WDR17: variants seen among roughly 807,000 people sequenced by gnomAD.
The protein encoded by WDR17 is WD repeat domain 17.
A neutral mutation model predicts 161.7 loss-of-function variants in WDR17; 143 were observed. The observed-to-expected ratio is 0.88, with a 90% CI of 0.77 to 1.02. The LOEUF (loss-of-function observed/expected upper bound fraction) is 1.02, where lower values mean the gene tolerates loss of function less well. Among genes scored for constraint, WDR17 ranks in the 50% least tolerant of loss-of-function variants. WDR17 has a pLI of 0.00. For missense variants in WDR17, 1,469 were observed against 1,520.9 expected (o/e 0.97, Z 0.57); for synonymous variants, 517 against 515.6 (o/e 1.00, Z -0.04).
rs547096023 is a variant in WDR17 at position 176,131,202 on chromosome 4, G to C, written c.914-352G>C. Among the ~76,000 whole-genome samples the C allele has an allele frequency of 2.1e-3, 320 of 152,176 alleles. 2 individuals are homozygous for C. Among genetic ancestry groups the C allele is most frequent in the African/African-American group, 7.5e-3 (311 of 41,526 alleles). Reference sequence around the variant, plus strand: ...TGCATATATGTTTGTGTGTGTGGAAGGAGGGAATAAGCTATTATGTCAGTA... The same window carrying C: ...TGCATATATGTTTGTGTGTGTGGAACGAGGGAATAAGCTATTATGTCAGTA... On this transcript the variant is annotated intron_variant, in intron 6 of 28. Coordinates refer to ENST00000508596, the MANE Select transcript of WDR17 (RefSeq NM_181265.4).
At chr4:176,154,845 T>G (rs1001677147) in intron 17 of WDR17, among the ~76,000 whole-genome samples, 1 of 152,192 alleles carries the variant, frequency 6.6e-6, no homozygotes. Flanking sequence ...ATTCATGTAG[T>G]GATATTTCAG....
Position 176,126,974 on chromosome 4 carries a change from A to C in WDR17, c.790+1619A>C, listed in dbSNP as rs2126741562. Reference sequence around the variant, plus strand: ...TCCTGAGGCCTCCTCAGCCATGCAGAACTGTGAGTCAATTAAACCTCTTTT... The same window carrying C: ...TCCTGAGGCCTCCTCAGCCATGCAGCACTGTGAGTCAATTAAACCTCTTTT... On this transcript the variant is annotated intron_variant, in intron 5 of 28. Transcript: ENST00000508596. 1.3e-5 allele frequency among the ~76,000 whole-genome samples: 2 copies of C among 152,302 alleles called. 1 individual carries two copies. The highest frequency in any genetic ancestry group is 4.1e-4 in the South Asian group (2 of 4,820).
chr4:176,146,672 C>T (rs1746223507), intron 12 of WDR17, among the ~76,000 whole-genome samples: 1 of 152,112 alleles, frequency 6.6e-6, no homozygotes, highest in African/African-American at 2.4e-5. Context: ...AGGAAAGACA[C>T]CTGTTCTAGT....
intron 12 of WDR17, among the ~76,000 whole-genome samples, chr4:176,147,009 G>A (rs570284378): frequency 5.3e-5 from 8 of 152,122 alleles, no homozygotes; most frequent in Admixed American, 3.3e-4. Flanking sequence ...TGGGACTACA[G>A]GTGTGCGCCA....
chr4:176,161,717 A>T (rs996968048), intron 20 of WDR17, among the ~76,000 whole-genome samples: 4 of 152,186 alleles, frequency 2.6e-5, no homozygotes, highest in African/African-American at 9.7e-5. Context: ...AAGCTAACAC[A>T]TGCTAGCTGT....
intron 18 of WDR17, among the ~76,000 whole-genome samples, chr4:176,159,028 G>C (rs995979732): frequency 3.9e-5 from 6 of 152,070 alleles, no homozygotes; most frequent in African/African-American, 1.4e-4. Context: ...CTATGAAATT[G>C]GAGACTGTTA....
chr4:176,130,889 T>A (rs558667098), intron 6 of WDR17, among the ~76,000 whole-genome samples: 7 of 152,128 alleles, frequency 4.6e-5, no homozygotes, highest in Non-Finnish European at 8.8e-5. Context: ...AAGGAAGAGC[T>A]TTTTGGAAGA....
At chr4:176,071,456 G>A (rs1733233994) in intron 1 of WDR17, among the ~76,000 whole-genome samples, 1 of 151,998 alleles carries the variant, frequency 6.6e-6, no homozygotes, top group African/African-American at 2.4e-5. Context: ...CTGAGTAGCT[G>A]GGATTACAGG....
intron 8 of WDR17, among the ~76,000 whole-genome samples, chr4:176,135,685 C>T (rs1413353181): frequency 6.6e-6 from 1 of 151,554 alleles, no homozygotes; most frequent in African/African-American, 2.4e-5. Flanking sequence ...GTATTAACTC[C>T]ACCTTTGAAG....
intron 10 of WDR17, 125 bp from the exon 11 acceptor site, chr4:176,141,858 T>C: frequency 1.4e-6 from 1 of 735,592 alleles, no homozygotes; most frequent in South Asian, 2.7e-5. Flanking sequence ...AATGTTCTTT[T>C]TGCTTTGTAG....
At chr4:176,144,261 C>T (rs1046624959) in intron 11 of WDR17, among the ~76,000 whole-genome samples, 5 of 152,088 alleles carry the variant, frequency 3.3e-5, no homozygotes, top group African/African-American at 1.2e-4. Flanking sequence ...ATATAATATG[C>T]CTTTGGAGCA....
intron 1 of WDR17, among the ~76,000 whole-genome samples, chr4:176,090,872 G>T (rs531447105): frequency 6.6e-6 from 1 of 152,176 alleles, no homozygotes; most frequent in South Asian, 2.1e-4. Flanking sequence ...CAAAGGGATG[G>T]GCTGAAATAA....
At chr4:176,132,492 T>C (rs1743626248) in intron 7 of WDR17, among the ~76,000 whole-genome samples, 1 of 152,068 alleles carries the variant, frequency 6.6e-6, no homozygotes, top group Admixed American at 6.5e-5. Context: ...GCTAATTATT[T>C]TCCTTTGATC....
At chr4:176,101,208 A>G (rs1419427232) in intron 1 of WDR17, among the ~76,000 whole-genome samples, 1 of 152,094 alleles carries the variant, frequency 6.6e-6, no homozygotes, top group African/African-American at 2.4e-5. Context: ...AAAATACCCA[A>G]CATCAGCCCC....
In WDR17 at chr4:176,148,320, G is replaced by A. The variant is rs780286120; in HGVS notation, c.1882G>A (p.Gly628Ser). ...TTGTGTGGATACTGTGTATGATCAC[G>A]GTGCAGATGTATATGGTAGAGTGTC... ...GTCVDTVYDH[G>S]ADVYGLTCHP... Residue 628 changes from glycine (G) to serine (S), a missense_variant, in exon 13 of 29, where the codon GGT becomes AGT. Coordinates refer to ENST00000508596, the MANE Select transcript of WDR17 (RefSeq NM_181265.4). The A allele has an allele frequency of 5.0e-6, 8 of 1,613,648 alleles. No individual in the cohort carries two copies. The highest frequency in any genetic ancestry group is 4.5e-5 in the East Asian group (2 of 44,836).
In WDR17 at chr4:176,168,779, A is replaced by G. The variant is rs1482278222; in HGVS notation, c.3098A>G (p.Asp1033Gly). 6.2e-7 allele frequency: 1 copy of G among 1,610,864 alleles called. No homozygotes were observed. Among genetic ancestry groups the G allele is most frequent in the East Asian group, 2.2e-5 (1 of 44,718 alleles). ...GCTEEINDLH[D>G]KCKLPTVEEC... The stretch of plus-strand genomic sequence containing the variant: ...ACTGAAGAGATAAATGACCTTCATG[A>G]TAAGGTATGCTGATGATGTTAAATA... Residue 1033 changes from aspartate (D) to glycine (G), a missense_variant, in exon 23 of 29, where the codon GAT becomes GGT. Asp to Gly is a moderately conservative substitution (Grantham distance 94). Coordinates refer to ENST00000508596, the MANE Select transcript of WDR17 (RefSeq NM_181265.4).
intron 17 of WDR17, among the ~76,000 whole-genome samples, chr4:176,155,400 C>T (rs751882035): frequency 1.1e-4 from 16 of 151,636 alleles, no homozygotes; most frequent in Non-Finnish European, 2.2e-4. Context: ...TTTTTCTCAA[C>T]TTCTTCAAAC....
intron 1 of WDR17, among the ~76,000 whole-genome samples, chr4:176,082,534 C>G (rs1734883197): frequency 6.6e-6 from 1 of 151,964 alleles, no homozygotes; most frequent in Admixed American, 6.6e-5. Flanking sequence ...GAGACATCTT[C>G]CAGTTCCCGT....
intron 21 of WDR17, 131 bp downstream of exon 21, chr4:176,162,305 G>T (rs1003878303): frequency 5.3e-5 from 35 of 666,516 alleles, no homozygotes; most frequent in Admixed American, 1.3e-4. Context: ...GAGTAATTAA[G>T]TAATTACATT....
Sources: allele counts gnomAD v4.1 joint callset (sites outside exome capture counted in the v4.1 genomes callset), GRCh38; gene constraint gnomAD v4.1.1; transcripts MANE v1.5; gene names NCBI Gene and HGNC (gene_info 2026-07-23, HGNC 2026-07-21).